Variants in AFAP1L2 observed in about 807,000 individuals in gnomAD.
AFAP1L2 encodes actin filament-associated protein 1-like 2.
In AFAP1L2, 46 loss-of-function variants were observed where a neutral mutation model predicts 99.3. That is an observed-to-expected ratio of 0.46 (90% CI 0.37 to 0.59). AFAP1L2 has a LOEUF of 0.59. Ranked by LOEUF, AFAP1L2 falls within the 20% of genes least tolerant of loss-of-function variation. The pLI, the probability that AFAP1L2 is intolerant of heterozygous loss-of-function variation, is 0.00. For missense variants in AFAP1L2, 959 were observed against 1,034.9 expected (o/e 0.93, Z 1.01); for synonymous variants, 397 against 419.1 (o/e 0.95, Z 0.64).
At chr10:114,360,280 AC>A (rs2052055448) in intron 1 of AFAP1L2, among the ~76,000 whole-genome samples, 1 of 152,034 alleles carries the variant, frequency 6.6e-6, no homozygotes, top group African/African-American at 2.4e-5. Context: ...TGGGTCTCAA[AC>A]CTGCAGGCTT....
At chr10:114,347,161 T>C (rs1414665324) in intron 1 of AFAP1L2, among the ~76,000 whole-genome samples, 2 of 152,190 alleles carry the variant, frequency 1.3e-5, no homozygotes, top group Non-Finnish European at 1.5e-5. Flanking sequence ...GAATGTATTA[T>C]CCTCATGAGC....
At chr10:114,282,914 C>T in the AFAP1L2 span, among the ~76,000 whole-genome samples, 3,604 of 152,270 alleles carry the variant, frequency 0.024, 155 homozygotes, top group African/African-American at 0.083. Flanking sequence ...CTCTATAAAA[C>T]ATAGTGGTTT....
At chr10:114,361,699 A>ACG (rs2136568090) in intron 1 of AFAP1L2, among the ~76,000 whole-genome samples, 1 of 152,288 alleles carries the variant, frequency 6.6e-6, no homozygotes, top group African/African-American at 2.4e-5. Context: ...TGTGCTTCCC[A>ACG]CGGCTTCATT....
At chr10:114,383,865 G>A (rs1414287352) in intron 1 of AFAP1L2, among the ~76,000 whole-genome samples, 7 of 152,172 alleles carry the variant, frequency 4.6e-5, no homozygotes, top group Admixed American at 1.3e-4. Flanking sequence ...CACGTAGCCC[G>A]CAGGCTGACA....
At chr10:114,361,927 G>A (rs539563158) in intron 1 of AFAP1L2, among the ~76,000 whole-genome samples, 11 of 152,030 alleles carry the variant, frequency 7.2e-5, no homozygotes, top group African/African-American at 2.4e-4. Context: ...ATTCTTCTGC[G>A]ATTCTCTATG....
At chr10:114,349,924 A>G (rs765796964) in intron 1 of AFAP1L2, among the ~76,000 whole-genome samples, 2 of 151,952 alleles carry the variant, frequency 1.3e-5, no homozygotes, top group Non-Finnish European at 2.9e-5. Flanking sequence ...TTTCTCACCT[A>G]TCTTTGAGTC....
intron 1 of AFAP1L2, among the ~76,000 whole-genome samples, chr10:114,359,534 C>T (rs2051910573): frequency 6.6e-6 from 1 of 152,164 alleles, no homozygotes; most frequent in African/African-American, 2.4e-5. Context: ...TTTCCCCGCA[C>T]CCTGCAGAGC....
chr10:114,304,720 T>A lies in AFAP1L2; in HGVS notation c.1283A>T (p.Glu428Val). The A allele has an allele frequency of 1.2e-6, 2 of 1,600,772 alleles. No homozygotes were observed. Among genetic ancestry groups the A allele is most frequent in the Non-Finnish European group, 1.7e-6 (2 of 1,175,022 alleles). The change falls in exon 11 of 19, where the codon GAG becomes GTG. Residue 428 changes from glutamate to valine, a missense_variant and splice_region_variant. This residue lies in a region of AFAP1L2 where 576 missense variants were observed against 562.1 expected (regional missense o/e 1.02). Transcript: ENST00000304129. The part of the protein sequence containing the change: ...LHKGEELAKL[E>V]AKSSEEMGHW... ...GCTCCCCCTGCAGGCCGGCGGTACC[T>A]CAAGCTTGGCCAGCTCCTCGCCCTT...
chr10:114,360,493 A>ATAGATAGATAGATAGATAGT (rs1564978005), intron 1 of AFAP1L2, among the ~76,000 whole-genome samples: 1 of 113,842 alleles, frequency 8.8e-6, no homozygotes. Context: ...ATCTAGATAG[A>ATAGATAGATAGATAGATAGT]TAGATAGATA....
At chr10:114,376,055 T>C (rs1041384210) in intron 1 of AFAP1L2, among the ~76,000 whole-genome samples, 29 of 152,164 alleles carry the variant, frequency 1.9e-4, no homozygotes, top group African/African-American at 2.4e-5. Context: ...GGAACAAATA[T>C]AAAAATTTTA....
intron 1 of AFAP1L2, among the ~76,000 whole-genome samples, chr10:114,382,616 C>T (rs1467337471): frequency 2.3e-4 from 23 of 99,122 alleles, no homozygotes; most frequent in African/African-American, 1.0e-3. Context: ...TTTTTGAGAC[C>T]GAGTTTCGCT....
chr10:114,384,795 C>T (rs1254342851), intron 1 of AFAP1L2, among the ~76,000 whole-genome samples: 1 of 152,220 alleles, frequency 6.6e-6, no homozygotes, highest in Non-Finnish European at 1.5e-5. Context: ...CTGTGATCCT[C>T]CATGTGCCCA....
At chr10:114,301,886 A>G (rs2134047789) in intron 12 of AFAP1L2, 1 of 258,380 alleles carries the variant, frequency 3.9e-6, no homozygotes, top group South Asian at 5.9e-5. Flanking sequence ...TCAGTGGCTC[A>G]GCCGGCTTCC....
chr10:114,388,503 A>G (rs1270456996), intron 1 of AFAP1L2, among the ~76,000 whole-genome samples: 1 of 152,018 alleles, frequency 6.6e-6, no homozygotes, highest in Non-Finnish European at 1.5e-5. Flanking sequence ...ACGTTGACTC[A>G]TTACTCTCTG....
chr10:114,355,267 T>C (rs1255213435), intron 1 of AFAP1L2, among the ~76,000 whole-genome samples: 1 of 151,346 alleles, frequency 6.6e-6, no homozygotes, highest in Non-Finnish European at 1.5e-5. Context: ...TTTTTTTTTT[T>C]TTTTTGAGAC....
chr10:114,295,054 CAG>C lies in AFAP1L2; in HGVS notation c.*986_*987del. 1.0e-6 allele frequency: 1 copy of C among 975,912 alleles called. No individual in the cohort carries two copies. Among genetic ancestry groups the C allele is most frequent in the African/African-American group, 1.8e-5 (1 of 54,720 alleles). 60.5% of individuals were successfully genotyped at this position (975,912 alleles called of 1,614,324 possible). A position where few individuals can be genotyped will look rare whatever the true frequency, so the allele number is the denominator to read the frequency against. On this transcript the variant is annotated 3_prime_UTR_variant, in exon 19 of 19. Coordinates refer to ENST00000304129, the MANE Select transcript of AFAP1L2 (RefSeq NM_001001936.3). ...AAAAAAATGCCATCAGAGGAAAAGA[CAG>C]GGGCAGCACAAGGAACAGCACTGCC... is the stretch of plus-strand genomic sequence containing the variant.
At position 114,300,219 on chromosome 10, in the gene AFAP1L2, C is replaced by G; in HGVS notation, c.1932G>C (p.Lys644Asn). 1.9e-6 allele frequency: 3 copies of G among 1,614,198 alleles called. No individual in the cohort carries two copies. Among genetic ancestry groups the G allele is most frequent in the Non-Finnish European group, 2.5e-6 (3 of 1,180,040 alleles). ...ATPPGASPPV[K>N]DRLRVTSAEI... ...CTGCACTGGTCACGCGCAACCTGTC[C>G]TTCACAGGTGGGCTGGCACCAGGTG... The change falls in exon 15 of 19, where the codon AAG (lysine) becomes AAC (asparagine). Residue 644 changes from lysine to asparagine, a missense_variant. By Grantham distance (94) the Lys-to-Asn change is moderately conservative. This residue lies in a region of AFAP1L2 where 576 missense variants were observed against 562.1 expected (regional missense o/e 1.02). Coordinates refer to ENST00000304129, the MANE Select transcript of AFAP1L2 (RefSeq NM_001001936.3).
At chr10:114,310,472 G>A (rs1428936292) in intron 7 of AFAP1L2, 29 bp from the exon 8 acceptor site, 1 of 1,603,080 alleles carries the variant, frequency 6.2e-7, no homozygotes, top group Non-Finnish European at 8.5e-7. Context: ...CGTCAGCAGA[G>A]GCTGAGGTCC....
rs181178712 is a variant in AFAP1L2, at chr10:114,313,703, G to A, written c.792+168C>T. ...GGGGATTCAGAACTGGCAGCAGCAC[G>A]CTGTAACCCATTTGCAGAAGACAGA... On this transcript the variant is annotated intron_variant, in intron 7 of 18. Coordinates refer to ENST00000304129, the MANE Select transcript of AFAP1L2 (RefSeq NM_001001936.3). Among the ~76,000 whole-genome samples the A allele has an allele frequency of 2.5e-3, 383 of 152,282 alleles. 1 individual carries two copies. The highest frequency in any genetic ancestry group is 4.3e-3 in the Non-Finnish European group (295 of 68,018).
Sources: allele counts gnomAD v4.1 joint callset (sites outside exome capture counted in the v4.1 genomes callset), GRCh38; gene constraint gnomAD v4.1.1; regional missense constraint gnomAD v4.1.1; transcripts MANE v1.5; gene names NCBI Gene and HGNC (gene_info 2026-07-23, HGNC 2026-07-21).